SETX: variants seen among roughly 807,000 people sequenced by gnomAD.
SETX encodes the protein helicase senataxin.
SETX carries 90 observed loss-of-function variants against 227.2 expected under a neutral mutation model. The ratio of observed to expected loss-of-function variants is 0.40; its 90% confidence interval spans 0.33 to 0.47. SETX has a LOEUF of 0.47. Ranked by LOEUF, SETX falls within the 20% of genes least tolerant of loss-of-function variation. SETX has a pLI of 0.91. For synonymous variants in SETX, 1,210 were observed against 1,113.2 expected (o/e 1.09, Z -1.73); for missense variants, 3,052 against 3,181.5 (o/e 0.96, Z 0.98).
intron 5 of SETX, among the ~76,000 whole-genome samples, chr9:132,341,195 G>C (rs1186401414): frequency 6.6e-6 from 1 of 151,942 alleles, no homozygotes; most frequent in East Asian, 1.9e-4. Context: ...TCCGGCGTGG[G>C]CAACAGAGCA....
chr9:132,329,366 T>C lies in SETX; in HGVS notation c.2232A>G (p.Thr744=). The change falls in exon 10 of 26, where the codon ACA becomes ACG. Residue 744 remains threonine (T), a synonymous_variant. Transcript: ENST00000224140. ...RGCDRGIIVS[T]RLLTDSSTDA... is the part of the protein sequence containing the mutation. ...CAGTGCTAGAATCAGTCAACAAACG[T>C]GTTGATACTATTATTCCTCTGTCAC... The C allele has an allele frequency of 6.2e-7, 1 of 1,614,004 alleles. No individual in the cohort carries two copies. Among genetic ancestry groups the C allele is most frequent in the Non-Finnish European group, 8.5e-7 (1 of 1,179,968 alleles).
chr9:132,310,971 GTTTT>G (rs1022493534), intron 11 of SETX, among the ~76,000 whole-genome samples: 1 of 151,864 alleles, frequency 6.6e-6, no homozygotes, highest in African/African-American at 2.4e-5. Context: ...GTTGTTTTTT[GTTTT>G]TGTTTTGTTT....
Position 132,331,324 on chromosome 9 carries a change from G to T in SETX, c.963C>A (p.Asn321Lys). Residue 321 changes from asparagine to lysine, a missense_variant, in exon 8 of 26, where the codon AAC (asparagine) becomes AAA (lysine). Asn to Lys is a moderately conservative substitution (Grantham distance 94). Transcript: ENST00000224140. ...PIVAFQTIIN[N>K]ASYNREIRHI... ...GTCGGATCTCTCTATTGTAGCTTGCGTTGTTGATAATGGTTTGAAATGCCA... is the reference window on the plus strand; with the variant it reads ...GTCGGATCTCTCTATTGTAGCTTGCTTTGTTGATAATGGTTTGAAATGCCA... 4 of 1,613,978 alleles carry T rather than the reference G, an allele frequency of 2.5e-6. No individual in the cohort carries two copies. The highest frequency in any genetic ancestry group is 3.4e-6 in the Non-Finnish European group (4 of 1,179,976).
chr9:132,301,131 T>C (rs7018501), intron 11 of SETX, among the ~76,000 whole-genome samples: 37,081 of 148,140 alleles, frequency 0.25, 6,050 homozygotes, highest in East Asian at 0.67. Context: ...CTCGCTGTGT[T>C]GCCCAGGCTG....
chr9:132,329,749 C>G lies in SETX; in HGVS notation c.1849G>C (p.Ala617Pro). Residue 617 changes from alanine (A) to proline (P), a missense_variant, in exon 10 of 26, where the codon GCA becomes CCA. This residue lies in a region of SETX where 1,483 missense variants were observed against 1,312.0 expected (regional missense o/e 1.13). Transcript: ENST00000224140. ...DLTSACKISPASYNKEESEQM... is the reference protein window; with the variant it reads ...DLTSACKISPPSYNKEESEQM... ...TCACTTTCTTCTTTATTATAAGATG[C>G]AGGAGAGATTTTACATGCAGAAGTC... 1 of 1,614,056 alleles carries G rather than the reference C, an allele frequency of 6.2e-7. No individual in the cohort carries two copies. Among genetic ancestry groups the G allele is most frequent in the Non-Finnish European group, 8.5e-7 (1 of 1,179,990 alleles).
intron 14 of SETX, among the ~76,000 whole-genome samples, chr9:132,296,520 G>C (rs957058599): frequency 6.6e-6 from 1 of 151,448 alleles, no homozygotes; most frequent in Non-Finnish European, 1.5e-5. Context: ...TCAAGATCGT[G>C]CCACTGTACC....
At chr9:132,311,520 C>T (rs935509890) in intron 11 of SETX, among the ~76,000 whole-genome samples, 4 of 152,064 alleles carry the variant, frequency 2.6e-5, no homozygotes. Context: ...TTCCCAGCCC[C>T]CACTGACAAT....
chr9:132,288,939 CATTTTCAAACTA>C (rs2131249772), intron 15 of SETX, among the ~76,000 whole-genome samples: 1 of 152,254 alleles, frequency 6.6e-6, no homozygotes, highest in Admixed American at 6.5e-5. Flanking sequence ...ATTACAGTAA[CATTTTCAAACTA>C]TGTTCAGTAG....
rs1846712288 is a variant in SETX at position 132,325,911 on chromosome 9, C to A, written c.5274+413G>T. On this transcript the variant is annotated intron_variant, in intron 10 of 25. Coordinates refer to ENST00000224140, the MANE Select transcript of SETX (RefSeq NM_015046.7). Reference sequence around the variant, plus strand: ...TCGCACCATTGCACTCCAGCCTGGGCAGCAAGAGCAAAACTCCACCTAAAA... The same window carrying A: ...TCGCACCATTGCACTCCAGCCTGGGAAGCAAGAGCAAAACTCCACCTAAAA... Among the ~76,000 whole-genome samples the A allele has an allele frequency of 2.2e-5, 3 of 139,008 alleles. No homozygotes were observed. In the Admixed American group the frequency reaches 2.3e-4, roughly 11 times the overall value. 91.2% of individuals were successfully genotyped at this position (139,008 alleles called of 152,430 possible).
At chr9:132,297,350 T>C (rs1844733122) in intron 13 of SETX, among the ~76,000 whole-genome samples, 1 of 152,256 alleles carries the variant, frequency 6.6e-6, no homozygotes, top group Admixed American at 6.5e-5. Flanking sequence ...ATAAATTGCA[T>C]TTACTAATCC....
Position 132,298,272 on chromosome 9 carries a change from A to T in SETX, c.5589T>A (p.Thr1863=). Residue 1863 remains threonine, a synonymous_variant, in exon 13 of 26, where the codon ACT becomes ACA. Transcript: ENST00000224140. ...TTAAATTGGCCGGAAAGTTCTCTTG[A>T]GTCTGGATGGAAAGGTAACACTCAG... ...GKTECYLSIQ[T]QENFPANLNE... 1.2e-6 allele frequency: 2 copies of T among 1,614,150 alleles called. No individual in the cohort carries two copies. The highest frequency in any genetic ancestry group is 1.7e-6 in the Non-Finnish European group (2 of 1,179,988).
intron 10 of SETX, among the ~76,000 whole-genome samples, chr9:132,316,997 T>C (rs1354037321): frequency 6.6e-6 from 1 of 152,252 alleles, no homozygotes; most frequent in Non-Finnish European, 1.5e-5. Flanking sequence ...TAACTTGAAC[T>C]ACATCAAATT....
At chr9:132,265,090 A>G (rs1842574615) in intron 25 of SETX, 105 bp from the exon 26 acceptor site, 4 of 1,292,760 alleles carry the variant, frequency 3.1e-6, no homozygotes, top group Non-Finnish European at 4.4e-6. Flanking sequence ...ATATTATTGT[A>G]TGAACATATT....
At chr9:132,332,542 C>T (rs934589783) in intron 7 of SETX, among the ~76,000 whole-genome samples, 11 of 152,234 alleles carry the variant, frequency 7.2e-5, no homozygotes, top group African/African-American at 2.4e-4. Context: ...GCATCTGAAA[C>T]AGTGCCTGTG....
chr9:132,324,776 T>C (rs554294458), intron 10 of SETX, among the ~76,000 whole-genome samples: 57 of 152,344 alleles, frequency 3.7e-4, no homozygotes, highest in African/African-American at 1.3e-3. Context: ...CCATGACTAT[T>C]TACCTCAACA....
Position 132,329,179 on chromosome 9 carries a change from T to A in SETX, c.2419A>T (p.Asn807Tyr). 2 of 1,613,304 alleles carry A rather than the reference T, an allele frequency of 1.2e-6. No individual in the cohort carries two copies. Among genetic ancestry groups the A allele is most frequent in the Non-Finnish European group, 1.7e-6 (2 of 1,179,884 alleles). Residue 807 changes from asparagine (N) to tyrosine (Y), a missense_variant, in exon 10 of 26, where the codon AAT (asparagine) becomes TAT (tyrosine). Around this residue, in one of 10 missense-constraint regions of SETX, gnomAD observed 1,483 missense variants for 1,312.0 expected, o/e 1.13. Coordinates refer to ENST00000224140, the MANE Select transcript of SETX (RefSeq NM_015046.7). ...KQHRKSTLVD[N>Y]TINLDENLTV... is the part of the protein sequence containing the mutation. ...AAATTTTCATCTAAATTGATAGTAT[T>A]ATCGACCAAAGTACTCTTCCTGTGT...
At chr9:132,326,211 T>C in intron 10 of SETX, 113 bp downstream of exon 10, 1 of 807,352 alleles carries the variant, frequency 1.2e-6, no homozygotes, top group Non-Finnish European at 2.0e-6. Context: ...GGATTACAGG[T>C]GCCCGCAACC....
chr9:132,264,480 C>T lies in SETX; in HGVS notation c.7793G>A (p.Ser2598Asn). ...GCCCCGCACGGGAGGTTTGTGGCTG[C>T]TCAGAGCAGCCACTACAGCAGCGGG... ...QQPAAVVAAL[S>N]SHKPPVRGEP... Residue 2598 changes from serine (S) to asparagine (N), a missense_variant, in exon 26 of 26, where the codon AGC becomes AAC. Around this residue, in one of 10 missense-constraint regions of SETX, gnomAD observed 294 missense variants for 278.8 expected, o/e 1.05. Transcript: ENST00000224140. 6.2e-7 allele frequency: 1 copy of T among 1,613,496 alleles called. No individual in the cohort carries two copies. Among genetic ancestry groups the T allele is most frequent in the Non-Finnish European group, 8.5e-7 (1 of 1,179,798 alleles).
chr9:132,282,850 T>A, intron 19 of SETX: 1 of 230,582 alleles, frequency 4.3e-6, no homozygotes, highest in Non-Finnish European at 8.8e-6. Flanking sequence ...GTCTTCTGAC[T>A]CTACGTTCTG....
Sources: allele counts gnomAD v4.1 joint callset (sites outside exome capture counted in the v4.1 genomes callset), GRCh38; gene constraint gnomAD v4.1.1; regional missense constraint gnomAD v4.1.1; transcripts MANE v1.5; gene names NCBI Gene and HGNC (gene_info 2026-07-23, HGNC 2026-07-21).